The following SUGCT variants were observed in gnomAD, a reference collection of about 807,000 sequenced individuals.
SUGCT encodes the protein succinyl-CoA:glutarate-CoA transferase, also known as succinyl-CoA:glutarate CoA-transferase.
A neutral mutation model predicts 55.0 loss-of-function variants in SUGCT; 41 were observed. The observed-to-expected ratio is 0.74, with a 90% CI of 0.58 to 0.97. SUGCT has a LOEUF of 0.97. Ranked by LOEUF, SUGCT falls within the 50% of genes least tolerant of loss-of-function variation. The pLI is 0.00. For missense variants in SUGCT, 568 were observed against 547.8 expected, an observed-to-expected ratio of 1.04 and a Z score of -0.37; for synonymous variants, 187 against 200.4, an observed-to-expected ratio of 0.93 and a Z score of 0.56.
chr7:40,928,464 C>T, the SUGCT span, among the ~76,000 whole-genome samples: 20 of 152,000 alleles, frequency 1.3e-4, no homozygotes, highest in East Asian at 9.6e-4. Flanking sequence ...CTTTTTATTT[C>T]GATAAATGTA....
intron 9 of SUGCT, among the ~76,000 whole-genome samples, chr7:40,427,233 GTTTAT>G (rs1787632061): frequency 6.6e-6 from 1 of 152,116 alleles, no homozygotes; most frequent in African/African-American, 2.4e-5. Flanking sequence ...AGGGATTTGG[GTTTAT>G]TTTATGAAAA....
rs71560195 is a variant in SUGCT at position 40,600,724 on chromosome 7, G to GT, written c.1089+104353dup. Among the ~76,000 whole-genome samples, 993 of 141,072 alleles carry GT rather than the reference G, an allele frequency of 7.0e-3. 2 individuals are homozygous for GT. The highest frequency in any genetic ancestry group is 0.011 in the African/African-American group (444 of 38,932). 92.5% of individuals were successfully genotyped at this position (141,072 alleles called of 152,430 possible). A position where few individuals can be genotyped will look rare whatever the true frequency, so the allele number is the denominator to read the frequency against. On this transcript the variant is annotated intron_variant, in intron 12 of 13. Transcript: ENST00000335693. ...AATTTCTGAAGAATCAAGGTAGAGA[G>GT]TTTTTTTTTTTTTTTAATAAGACTT...
chr7:40,977,957 C>T, the SUGCT span, among the ~76,000 whole-genome samples: 1 of 152,170 alleles, frequency 6.6e-6, no homozygotes, highest in African/African-American at 2.4e-5. Flanking sequence ...CCTTAAACCT[C>T]GGCCATCTTG....
chr7:40,758,630 T>C (rs1475402578), intron 13 of SUGCT, among the ~76,000 whole-genome samples: 1 of 152,102 alleles, frequency 6.6e-6, no homozygotes, highest in African/African-American at 2.4e-5. Context: ...CTGGAGCGAA[T>C]CTTATTTGTC....
chr7:40,911,245 A>G, the SUGCT span, among the ~76,000 whole-genome samples: 1 of 152,148 alleles, frequency 6.6e-6, no homozygotes. Flanking sequence ...GAAACAGTAC[A>G]AGCCACCAAA....
chr7:40,835,559 G>T (rs1792921011), intron 13 of SUGCT, among the ~76,000 whole-genome samples: 1 of 152,166 alleles, frequency 6.6e-6, no homozygotes, highest in Non-Finnish European at 1.5e-5. Context: ...ACTGTTTTCT[G>T]TAAAGGATCT....
the SUGCT span, among the ~76,000 whole-genome samples, chr7:40,879,089 G>C: frequency 1.3e-5 from 2 of 152,090 alleles, no homozygotes; most frequent in Non-Finnish European, 2.9e-5. Flanking sequence ...ACCGCGCCCA[G>C]CCCCTCAATC....
chr7:40,774,435 T>G lies in SUGCT; in HGVS notation c.1153+24938T>G, dbSNP rs924350649. Among the ~76,000 whole-genome samples the G allele has an allele frequency of 6.6e-5, 10 of 152,332 alleles. 1 individual carries two copies. The East Asian group carries it at 9.7e-4, about 15-fold the overall frequency. ...TGCTTTCTCTTTAGAATAGATGTTA[T>G]TAATTAATCTTGAAAAGTTCCCAGT... On this transcript the variant is annotated intron_variant, in intron 13 of 13. Coordinates refer to ENST00000335693, the MANE Select transcript of SUGCT (RefSeq NM_001193313.2).
chr7:40,970,797 G>A, the SUGCT span, among the ~76,000 whole-genome samples: 2 of 152,104 alleles, frequency 1.3e-5, no homozygotes, highest in African/African-American at 2.4e-5. Flanking sequence ...TAGAGGAGAT[G>A]CAAGAAATCA....
intron 12 of SUGCT, among the ~76,000 whole-genome samples, chr7:40,704,502 AG>A (rs1333104237): frequency 6.6e-6 from 1 of 152,118 alleles, no homozygotes; most frequent in Non-Finnish European, 1.5e-5. Flanking sequence ...AGGTGACCAC[AG>A]GGGTAGAGGT....
chr7:40,891,549 G>A, the SUGCT span, among the ~76,000 whole-genome samples: 1 of 152,074 alleles, frequency 6.6e-6, no homozygotes, highest in Admixed American at 6.6e-5. Context: ...TGCCAATCAG[G>A]AATATTATAC....
At chr7:40,902,740 A>G in the SUGCT span, among the ~76,000 whole-genome samples, 1 of 152,178 alleles carries the variant, frequency 6.6e-6, no homozygotes, top group Admixed American at 6.5e-5. Flanking sequence ...CAGGATTTGT[A>G]TGTCTCTCTC....
At chr7:40,173,407 T>C (rs995742093) in intron 1 of SUGCT, among the ~76,000 whole-genome samples, 9 of 152,194 alleles carry the variant, frequency 5.9e-5, no homozygotes, top group Non-Finnish European at 7.3e-5. Flanking sequence ...AAAGCTCAGC[T>C]TGAGCCATAA....
chr7:40,405,414 A>G (rs958732948), intron 9 of SUGCT, among the ~76,000 whole-genome samples: 1 of 152,100 alleles, frequency 6.6e-6, no homozygotes, highest in African/African-American at 2.4e-5. Flanking sequence ...TCCTTCTTTA[A>G]AATTAGCATT....
chr7:40,589,770 C>T (rs1261726734), intron 12 of SUGCT, among the ~76,000 whole-genome samples: 2 of 152,124 alleles, frequency 1.3e-5, no homozygotes, highest in South Asian at 2.1e-4. Flanking sequence ...TTAGTGAAAA[C>T]TTAAACCAAA....
At position 40,860,473 on chromosome 7, in the gene SUGCT, T is replaced by C; in HGVS notation, c.1311T>C (p.Thr437=). 1 of 1,609,262 alleles carries C rather than the reference T, an allele frequency of 6.2e-7. No homozygotes were observed. The highest frequency in any genetic ancestry group is 8.5e-7 in the Non-Finnish European group (1 of 1,176,516). ...LSAGVVDQHE[T]H is the part of the protein sequence containing the mutation. ...CTGGAGTGGTGGACCAACATGAAAC[T>C]CACTGACAAAGGAAAAGGGCTCTTC... Residue 437 remains threonine, a synonymous_variant, in exon 14 of 14, where the codon ACT becomes ACC. Coordinates refer to ENST00000335693, the MANE Select transcript of SUGCT (RefSeq NM_001193313.2).
chr7:40,468,789 G>A (rs1228226021), intron 11 of SUGCT, among the ~76,000 whole-genome samples: 2 of 152,160 alleles, frequency 1.3e-5, no homozygotes, highest in Non-Finnish European at 2.9e-5. Context: ...GAGGGTTAAA[G>A]CTTGAACTCT....
chr7:40,420,104 TGG>T (rs1298527579), intron 9 of SUGCT, among the ~76,000 whole-genome samples: 1 of 152,086 alleles, frequency 6.6e-6, no homozygotes, highest in Non-Finnish European at 1.5e-5. Flanking sequence ...TGTGAGTACC[TGG>T]GTGAGAGAGA....
intron 12 of SUGCT, among the ~76,000 whole-genome samples, chr7:40,633,067 ATGAC>A (rs1799863331): frequency 6.6e-6 from 1 of 152,210 alleles, no homozygotes; most frequent in Non-Finnish European, 1.5e-5. Flanking sequence ...TTCAAAAACT[ATGAC>A]AGAGAGAGAG....
Sources: allele counts gnomAD v4.1 joint callset (sites outside exome capture counted in the v4.1 genomes callset), GRCh38; gene constraint gnomAD v4.1.1; transcripts MANE v1.5; gene names NCBI Gene and HGNC (gene_info 2026-07-23, HGNC 2026-07-21).